STAT2: variants seen among roughly 807,000 people sequenced by gnomAD.
STAT2 encodes interferon alpha induced transcriptional activator.
A neutral mutation model predicts 122.3 loss-of-function variants in STAT2; 51 were observed. The observed-to-expected ratio is 0.42, with a 90% CI of 0.33 to 0.53. The LOEUF (loss-of-function observed/expected upper bound fraction) is 0.53. Among genes scored for constraint, STAT2 ranks in the 20% least tolerant of loss-of-function variants. The probability of loss-of-function intolerance (pLI) is 0.10; values close to 1 mark genes in which losing one functional copy is unlikely to be tolerated. For missense variants in STAT2, 736 were observed against 1,010.3 expected (o/e 0.73, Z 3.68); for synonymous variants, 351 against 394.9 (o/e 0.89, Z 1.32).
At chr12:56,343,788 T>G in intron 23 of STAT2, 37 bp downstream of exon 23, 1 of 1,605,284 alleles carries the variant, frequency 6.2e-7, no homozygotes, top group East Asian at 2.2e-5. Flanking sequence ...GGAAAGGGAA[T>G]GTGTGCCATC....
chr12:56,350,983 G>A, intron 10 of STAT2, 95 bp from the exon 11 acceptor site: 2 of 1,572,528 alleles, frequency 1.3e-6, no homozygotes, highest in Non-Finnish European at 1.7e-6. Context: ...ATAAGAGGTA[G>A]GGAGATTGCA....
chr12:56,355,906 G>T, intron 3 of STAT2, 103 bp from the exon 4 acceptor site: 1 of 1,337,828 alleles, frequency 7.5e-7, no homozygotes, highest in South Asian at 1.2e-5. Context: ...CTCCTCCTTC[G>T]GGGTTCTTAG....
chr12:56,350,316 C>T, intron 12 of STAT2, 96 bp downstream of exon 12: 10 of 1,454,850 alleles, frequency 6.9e-6, no homozygotes, highest in African/African-American at 1.4e-5. Flanking sequence ...TATCCCAAAT[C>T]CCCCTCTTCC....
At chr12:56,343,758 T>C (rs893327869) in intron 23 of STAT2, 67 bp downstream of exon 23, 18 of 1,584,986 alleles carry the variant, frequency 1.1e-5, no homozygotes, top group Non-Finnish European at 1.4e-5. Flanking sequence ...TTTTCTGTAA[T>C]GGGAGAGGGA....
chr12:56,349,133 C>A (rs959632210), intron 16 of STAT2, 30 bp downstream of exon 16: 4 of 1,613,990 alleles, frequency 2.5e-6, no homozygotes, highest in Non-Finnish European at 3.4e-6. Context: ...CCTCCTCTCG[C>A]GCCTTGACCT....
rs748284206 is a variant in STAT2, at chr12:56,351,286, C to T, written c.941+6G>A. The T allele has an allele frequency of 1.2e-6, 2 of 1,613,978 alleles. No homozygotes were observed. The highest frequency in any genetic ancestry group is 8.5e-7 in the Non-Finnish European group (1 of 1,179,892). On this transcript the variant is annotated splice_donor_region_variant and intron_variant, in intron 9 of 23. Coordinates refer to ENST00000314128, the MANE Select transcript of STAT2 (RefSeq NM_005419.4). Reference sequence around the variant, plus strand: ...TTCCCCCAGGGTTCCTGCCTGGCCTCTAGACCTGTGGAGCAGACGCTGTAG... The same window carrying T: ...TTCCCCCAGGGTTCCTGCCTGGCCTTTAGACCTGTGGAGCAGACGCTGTAG...
intron 21 of STAT2, 50 bp from the exon 22 acceptor site, chr12:56,346,253 T>C (rs375239714): frequency 5.4e-5 from 87 of 1,607,780 alleles, no homozygotes; most frequent in Non-Finnish European, 6.9e-5. Context: ...GCCAGACATA[T>C]AGCCTGAGGT....
Position 56,354,563 on chromosome 12 carries a change from C to A in STAT2, c.685G>T (p.Glu229Ter). The A allele has an allele frequency of 6.2e-7, 1 of 1,614,112 alleles. No individual in the cohort carries two copies. The change falls in exon 8 of 24, where the codon GAG becomes TAG. Residue 229 changes from glutamate to a stop codon, truncating the protein, a stop_gained. Coordinates refer to ENST00000314128, the MANE Select transcript of STAT2 (RefSeq NM_005419.4). LOFTEE classifies it high-confidence loss of function. ...ALLGRLTTLI[E>*]LLLPKLEEWK... is the part of the protein sequence containing the mutation. ...TCCTCCAACTTTGGCAGCAGTAGCT[C>A]GATTAGGGTAGTTAATCGGCCTAGC...
At chr12:56,351,523 C>T in intron 8 of STAT2, 73 bp from the exon 9 acceptor site, 1 of 1,523,312 alleles carries the variant, frequency 6.6e-7, no homozygotes, top group African/African-American at 1.4e-5. Flanking sequence ...CAAGATCTCT[C>T]TGTAAATATG....
chr12:56,359,700 G>C (rs1299132310), intron 1 of STAT2, among the ~76,000 whole-genome samples: 2 of 152,148 alleles, frequency 1.3e-5, no homozygotes, highest in African/African-American at 4.8e-5. Flanking sequence ...ACAAAACAAG[G>C]ATAATAGATT....
intron 1 of STAT2, among the ~76,000 whole-genome samples, chr12:56,358,086 A>G (rs1398192365): frequency 6.6e-6 from 1 of 152,136 alleles, no homozygotes; most frequent in Admixed American, 6.5e-5. Context: ...TACTATTTCC[A>G]CAATCTTATT....
Position 56,351,108 on chromosome 12 carries a change from C to A in STAT2, c.1024G>T (p.Val342Phe). Residue 342 changes from valine to phenylalanine, a missense_variant, in exon 10 of 24, where the codon GTC becomes TTC. Coordinates refer to ENST00000314128, the MANE Select transcript of STAT2 (RefSeq NM_005419.4). ...TTCTGGAATGCCAACCTTGTTCGGACGGTGAACTTGCTGCCAGTCTTGAGG... is the reference window on the plus strand; with the variant it reads ...TTCTGGAATGCCAACCTTGTTCGGAAGGTGAACTTGCTGCCAGTCTTGAGG... ...LILKTGSKFT[V>F]RTRLLVRLQE... The A allele has an allele frequency of 6.2e-7, 1 of 1,613,794 alleles. No individual in the cohort carries two copies.
rs2136062390 is a variant in STAT2 at position 56,350,813 on chromosome 12, A to C, written c.1094+16T>G. The C allele has an allele frequency of 6.2e-7, 1 of 1,613,742 alleles. No individual in the cohort carries two copies. Among genetic ancestry groups the C allele is most frequent in the Non-Finnish European group, 8.5e-7 (1 of 1,180,032 alleles). On this transcript the variant is annotated intron_variant, in intron 11 of 23. Coordinates refer to ENST00000314128, the MANE Select transcript of STAT2 (RefSeq NM_005419.4). ...GCAGCCCGTGTCCTGGCCACCCTTC[A>C]CCTGCTCCAATTTACCTGTCAATGG...
In STAT2 at chr12:56,348,771, G is replaced by A. The variant is rs766795191; in HGVS notation, c.1610C>T (p.Ser537Phe). The A allele has an allele frequency of 3.1e-6, 5 of 1,614,068 alleles. No homozygotes were observed. In the East Asian group the frequency reaches 6.7e-5, roughly 22 times the overall value. The change falls in exon 18 of 24, where the codon TCC becomes TTC. Residue 537 changes from serine (S) to phenylalanine (F), a missense_variant. Coordinates refer to ENST00000314128, the MANE Select transcript of STAT2 (RefSeq NM_005419.4). ...QNCRTEDPLL[S>F]WADFTKRESP... is the part of the protein sequence containing the mutation. ...AGTTACCTTAGTGAAGTCAGCCCAG[G>A]ACAATAATGGATCCTCAGTCCTACA...
chr12:56,355,823 A>T lies in STAT2; in HGVS notation c.286-20T>A, dbSNP rs1331397971. ...AAAGGGCTAGAATAGGTAAACAGAA[A>T]GGATTGATCCAATTCAACCACTCTC... On this transcript the variant is annotated intron_variant, in intron 3 of 23. Coordinates refer to ENST00000314128, the MANE Select transcript of STAT2 (RefSeq NM_005419.4). 1.2e-6 allele frequency: 2 copies of T among 1,608,526 alleles called. No homozygotes were observed. The highest frequency in any genetic ancestry group is 1.7e-6 in the Non-Finnish European group (2 of 1,174,934).
At chr12:56,348,473 C>T (rs1251543645) in intron 19 of STAT2, 56 bp downstream of exon 19, 3 of 1,573,618 alleles carry the variant, frequency 1.9e-6, no homozygotes, top group Non-Finnish European at 2.6e-6. Flanking sequence ...TGCAGAGACT[C>T]CACTCTCAAG....
chr12:56,359,731 T>G (rs944703681), intron 1 of STAT2, among the ~76,000 whole-genome samples: 3 of 152,360 alleles, frequency 2.0e-5, no homozygotes, highest in South Asian at 2.1e-4. Flanking sequence ...TGTTTTTAGA[T>G]TTATCTATCT....
At chr12:56,347,593 C>T in intron 19 of STAT2, among the ~76,000 whole-genome samples, 1 of 152,072 alleles carries the variant, frequency 6.6e-6, no homozygotes, top group East Asian at 1.9e-4. Flanking sequence ...ACCTTCTCTC[C>T]TGGGTTCAAG....
In STAT2 at chr12:56,360,044, C is replaced by T. The variant is rs1880147527; in HGVS notation, c.-8+14G>A. The T allele has an allele frequency of 1.0e-6, 1 of 985,404 alleles. No individual in the cohort carries two copies. The highest frequency in any genetic ancestry group is 1.1e-4 in the East Asian group (1 of 8,800). The allele number at this position is 985,404 out of a possible 1,614,324, so 61.0% of individuals were successfully genotyped here. The stretch of plus-strand genomic sequence containing the variant: ...CCCCACCCCTACCCCAGCACACCCT[C>T]TCAGGGCCCGTACCTGATTAGGGTT... On this transcript the variant is annotated intron_variant, in intron 1 of 23. Transcript: ENST00000314128.
Sources: gnomAD v4.1 joint callset for allele counts (sites outside exome capture counted in the v4.1 genomes callset) on GRCh38, gnomAD v4.1.1 for gene constraint, MANE v1.5 for transcripts, NCBI Gene and HGNC (gene_info 2026-07-23, HGNC 2026-07-21) for gene names.